The following ZFHX3 variants were observed in gnomAD, a reference collection of about 807,000 sequenced individuals.
The protein encoded by ZFHX3 is zinc finger homeobox protein 3.
In ZFHX3, 42 loss-of-function variants were observed where a neutral mutation model predicts 279.1. The observed-to-expected ratio is 0.15, with a 90% CI of 0.12 to 0.19. ZFHX3 has a LOEUF of 0.19. Among genes scored for constraint, ZFHX3 ranks in the 10% least tolerant of loss-of-function variants. The pLI is 1.00. For missense variants in ZFHX3, 4,981 were observed against 4,754.0 expected, an observed-to-expected ratio of 1.05 and a Z score of -1.40; for synonymous variants, 2,293 against 1,957.8, an observed-to-expected ratio of 1.17 and a Z score of -4.52.
chr16:72,881,333 T>C (rs1347476072), intron 4 of ZFHX3, among the ~76,000 whole-genome samples: 1 of 152,166 alleles, frequency 6.6e-6, no homozygotes, highest in East Asian at 1.9e-4. Context: ...CAGGGAGGTA[T>C]GGGCAGCACT....
chr16:73,033,375 G>C (rs1964778864), intron 1 of ZFHX3, among the ~76,000 whole-genome samples: 1 of 152,110 alleles, frequency 6.6e-6, no homozygotes, highest in South Asian at 2.1e-4. Flanking sequence ...TGTTATTCAA[G>C]AACTGCGTCT....
chr16:72,980,015 G>A lies in ZFHX3; in HGVS notation c.-49-19821C>T, dbSNP rs149451814. On this transcript the variant is annotated intron_variant, in intron 1 of 9. Coordinates refer to ENST00000268489, the MANE Select transcript of ZFHX3 (RefSeq NM_006885.4). ...GGATAAGACTAGGTGCAAGTAGGGCGTGCAGCCCTATTTCCCGGATCTCTT... is the reference window on the plus strand; with the variant it reads ...GGATAAGACTAGGTGCAAGTAGGGCATGCAGCCCTATTTCCCGGATCTCTT... Among the ~76,000 whole-genome samples, 964 of 152,328 alleles carry A rather than the reference G, an allele frequency of 6.3e-3. 6 individuals carry two copies. The highest frequency in any genetic ancestry group is 0.021 in the African/African-American group (885 of 41,570).
intron 2 of ZFHX3, among the ~76,000 whole-genome samples, chr16:73,631,240 C>T (rs891791785): frequency 6.6e-6 from 1 of 152,182 alleles, no homozygotes; most frequent in Non-Finnish European, 1.5e-5. Context: ...GCCCACAATA[C>T]CCAGTGTTAC....
intron 1 of ZFHX3, among the ~76,000 whole-genome samples, chr16:73,046,021 G>A (rs1031463702): frequency 6.6e-6 from 1 of 152,146 alleles, no homozygotes; most frequent in African/African-American, 2.4e-5. Context: ...CATGCTTTCT[G>A]AAAACTATGC....
At chr16:72,861,764 C>A (rs1467899811) in intron 4 of ZFHX3, among the ~76,000 whole-genome samples, 4 of 152,146 alleles carry the variant, frequency 2.6e-5, no homozygotes, top group African/African-American at 9.7e-5. Flanking sequence ...CCTGTAATCC[C>A]AGCACTTTGG....
intron 7 of ZFHX3, among the ~76,000 whole-genome samples, chr16:73,098,559 G>T (rs1966194836): frequency 6.6e-6 from 1 of 151,888 alleles, no homozygotes; most frequent in South Asian, 2.1e-4. Context: ...ATGGGGTTTT[G>T]CCATGTTGGC....
At chr16:73,515,801 C>T (rs1890634964) in intron 2 of ZFHX3, among the ~76,000 whole-genome samples, 1 of 152,160 alleles carries the variant, frequency 6.6e-6, no homozygotes, top group South Asian at 2.1e-4. Flanking sequence ...ATCTATATCT[C>T]ACCATTTTGA....
At chr16:73,313,140 C>G (rs550929264) in intron 4 of ZFHX3, among the ~76,000 whole-genome samples, 2 of 152,236 alleles carry the variant, frequency 1.3e-5, no homozygotes. Context: ...GTGGCACCTC[C>G]CCCTTTTCTC....
At chr16:73,225,453 G>A (rs2012563972) in intron 5 of ZFHX3, among the ~76,000 whole-genome samples, 1 of 152,074 alleles carries the variant, frequency 6.6e-6, no homozygotes, top group African/African-American at 2.4e-5. Flanking sequence ...TTGCTGGTAT[G>A]GTGGCACACA....
intron 2 of ZFHX3, among the ~76,000 whole-genome samples, chr16:73,566,185 G>A (rs2020448295): frequency 6.6e-6 from 1 of 152,190 alleles, no homozygotes; most frequent in East Asian, 1.9e-4. Context: ...TCCCACCAGT[G>A]CCTTCATAGC....
intron 1 of ZFHX3, among the ~76,000 whole-genome samples, chr16:73,031,721 A>G (rs1425522360): frequency 6.6e-6 from 1 of 152,152 alleles, no homozygotes; most frequent in Non-Finnish European, 1.5e-5. Context: ...ATGAACCAGA[A>G]CGCGGGCGTG....
intron 2 of ZFHX3, among the ~76,000 whole-genome samples, chr16:73,581,183 T>G (rs2051857277): frequency 6.6e-6 from 1 of 151,866 alleles, no homozygotes; most frequent in African/African-American, 2.4e-5. Context: ...TCTCCCAGTA[T>G]TTTCAAGAGA....
chr16:73,393,654 A>G (rs1313221984), intron 3 of ZFHX3, among the ~76,000 whole-genome samples: 2 of 152,178 alleles, frequency 1.3e-5, no homozygotes, highest in Non-Finnish European at 2.9e-5. Context: ...CTCTGATCAC[A>G]TTGAATAAAC....
intron 3 of ZFHX3, among the ~76,000 whole-genome samples, chr16:73,425,527 T>C (rs1171795181): frequency 1.3e-5 from 2 of 152,298 alleles, no homozygotes; most frequent in South Asian, 2.1e-4. Context: ...ATGGCTGGTA[T>C]GTAGAAAAAG....
chr16:73,386,901 T>C (rs531902634), intron 3 of ZFHX3: 1 of 152,272 alleles, frequency 6.6e-6, no homozygotes, highest in East Asian at 1.9e-4. Flanking sequence ...TTGTCAGGGG[T>C]GGCATCATCC....
At chr16:72,861,885 T>C (rs2143899822) in intron 4 of ZFHX3, among the ~76,000 whole-genome samples, 1 of 152,058 alleles carries the variant, frequency 6.6e-6, no homozygotes, top group African/African-American at 2.4e-5. Context: ...TGTGGTGGCA[T>C]GAGCTTGTAA....
Position 73,426,311 on chromosome 16 carries a change from T to C in ZFHX3, c.-1291+29692A>G, listed in dbSNP as rs138201498. On this transcript the variant is annotated intron_variant, in intron 3 of 17. Coordinates refer to the ZFHX3 transcript ENST00000641206. ...AGGTTTTGTTTGTTTGTTTGCAAACTAGAGAGACAAAAAGGAGGTGACAAG... is the reference window on the plus strand; with the variant it reads ...AGGTTTTGTTTGTTTGTTTGCAAACCAGAGAGACAAAAAGGAGGTGACAAG... 3.4e-4 allele frequency among the ~76,000 whole-genome samples: 51 copies of C among 152,186 alleles called. No homozygotes were observed. The East Asian group carries it at 9.6e-3, about 29-fold the overall frequency.
At chr16:73,334,821 T>C (rs1222380462) in intron 3 of ZFHX3, among the ~76,000 whole-genome samples, 3 of 138,646 alleles carry the variant, frequency 2.2e-5, no homozygotes, top group African/African-American at 8.0e-5. Flanking sequence ...TTTTTTTTTT[T>C]TTTTTTTTTT....
chr16:73,794,778 T>C (rs1959943371), intron 1 of ZFHX3, among the ~76,000 whole-genome samples: 1 of 152,226 alleles, frequency 6.6e-6, no homozygotes, highest in Non-Finnish European at 1.5e-5. Flanking sequence ...CGCTTTTATC[T>C]CATTTAAATA....
Sources: allele counts gnomAD v4.1 joint callset (sites outside exome capture counted in the v4.1 genomes callset), GRCh38; gene constraint gnomAD v4.1.1; transcripts MANE v1.5; gene names NCBI Gene and HGNC (gene_info 2026-07-23, HGNC 2026-07-21).